Variants in CP observed in about 807,000 individuals in gnomAD.
CP encodes the protein ceruloplasmin.
In CP, 64 loss-of-function variants were observed where a neutral mutation model predicts 122.4. The observed-to-expected ratio is 0.52, with a 90% CI of 0.43 to 0.64. The LOEUF is 0.64. CP is among the 30% of genes least tolerant of loss of function. The pLI, the probability that CP is intolerant of heterozygous loss-of-function variation, is 0.00. For synonymous variants in CP, 440 were observed against 436.4 expected (o/e 1.01, Z -0.10); for missense variants, 1,167 against 1,284.4 (o/e 0.91, Z 1.40).
At chr3:149,185,216 G>T in intron 12 of CP, 23 bp downstream of exon 12, 1 of 1,609,290 alleles carries the variant, frequency 6.2e-7, no homozygotes, top group African/African-American at 1.3e-5. Flanking sequence ...GCTGAAATTG[G>T]GAATCAGAGT....
At chr3:149,178,733 T>C (rs1452702339) in intron 15 of CP, 102 bp from the exon 16 acceptor site, 16 of 816,906 alleles carry the variant, frequency 2.0e-5, no homozygotes, top group Non-Finnish European at 3.0e-5. Flanking sequence ...GAGAGACCAA[T>C]TGAAGTAACA....
At chr3:149,190,997 A>T (rs1382708090) in intron 9 of CP, among the ~76,000 whole-genome samples, 2 of 152,178 alleles carry the variant, frequency 1.3e-5, no homozygotes, top group Non-Finnish European at 2.9e-5. Context: ...GTTTAACATT[A>T]GAAAGTCTTT....
intron 4 of CP, among the ~76,000 whole-genome samples, 190 bp downstream of exon 4, chr3:149,209,021 C>G (rs1003273695): frequency 1.3e-5 from 2 of 152,264 alleles, no homozygotes; most frequent in African/African-American, 4.8e-5. Context: ...TTTGGTGTAT[C>G]TGGCTTTACC....
chr3:149,186,702 G>T lies in CP; in HGVS notation c.1895C>A (p.Pro632Gln). The change falls in exon 11 of 19, where the codon CCG (proline) becomes CAG (glutamine). Residue 632 changes from proline to glutamine, a missense_variant. Physicochemically the swap from Pro to Gln is moderately conservative, Grantham distance 76. Coordinates refer to ENST00000264613, the MANE Select transcript of CP (RefSeq NM_000096.4). ...ATCTCCTTTGCACATAGTGAGACCCGGCTGATTCCCATACATGAATCCATT... is the reference window on the plus strand; with the variant it reads ...ATCTCCTTTGCACATAGTGAGACCCTGCTGATTCCCATACATGAATCCATT... ...SMNGFMYGNQPGLTMCKGDSV... is the reference protein window; with the variant it reads ...SMNGFMYGNQQGLTMCKGDSV... 1 of 1,614,076 alleles carries T rather than the reference G, an allele frequency of 6.2e-7. No individual in the cohort carries two copies. Among genetic ancestry groups the T allele is most frequent in the Non-Finnish European group, 8.5e-7 (1 of 1,180,004 alleles).
intron 9 of CP, among the ~76,000 whole-genome samples, chr3:149,193,620 A>G (rs1726691121): frequency 6.6e-6 from 1 of 152,212 alleles, no homozygotes; most frequent in Middle Eastern, 3.2e-3. Context: ...TTTAAAAAGA[A>G]TAGTTATAAA....
In CP at chr3:149,221,663, G is replaced by C; in HGVS notation, c.130C>G (p.Leu44Val). ...DYASDHGEKK[L>V]ISVDTEHSNI... ...GTGACTTACGTGTCAACAGAAATAA[G>C]TTTCTTTTCCCCATGGTCAGAGGCA... The change falls in exon 1 of 19, where the codon CTT becomes GTT. Residue 44 changes from leucine (L) to valine (V), a missense_variant. Leu to Val is a conservative substitution (Grantham distance 32, BLOSUM62 1). Around this residue, in one of 2 missense-constraint regions of CP, gnomAD observed 642 missense variants for 627.3 expected, o/e 1.02. Coordinates refer to ENST00000264613, the MANE Select transcript of CP (RefSeq NM_000096.4). 6.2e-7 allele frequency: 1 copy of C among 1,611,910 alleles called. No individual in the cohort carries two copies. Among genetic ancestry groups the C allele is most frequent in the South Asian group, 1.1e-5 (1 of 90,114 alleles).
rs749085962 is a variant in CP at position 149,178,593 on chromosome 3, A to G, written c.2700T>C (p.Cys900=). The change falls in exon 16 of 19, where the codon TGT becomes TGC. Residue 900 remains cysteine (C), a synonymous_variant. Coordinates refer to ENST00000264613, the MANE Select transcript of CP (RefSeq NM_000096.4). ...TGAATACTTTCAAGTAAGGTCTTCGACAAACAATCAGGGGGCCAATTAATC... is the reference window on the plus strand; with the variant it reads ...TGAATACTTTCAAGTAAGGTCTTCGGCAAACAATCAGGGGGCCAATTAATC... The part of the protein sequence containing the change: ...YSGLIGPLIV[C]RRPYLKVFNP... The G allele has an allele frequency of 1.9e-6, 3 of 1,613,524 alleles. No individual in the cohort carries two copies. The highest frequency in any genetic ancestry group is 1.7e-5 in the Admixed American group (1 of 59,978).
At chr3:149,189,756 C>T (rs1162951509) in intron 9 of CP, among the ~76,000 whole-genome samples, 2 of 152,072 alleles carry the variant, frequency 1.3e-5, no homozygotes, top group African/African-American at 4.8e-5. Flanking sequence ...GTACAATCAC[C>T]TGTATACTGA....
chr3:149,172,336 A>T, downstream of CP: 3 of 696,800 alleles, frequency 4.3e-6, no homozygotes, highest in South Asian at 1.6e-5. Context: ...ACACACACAC[A>T]CACACACACA....
rs771342611 is a variant in CP at position 149,207,585 on chromosome 3, C to T, written c.814G>A (p.Gly272Arg). 1 of 1,613,908 alleles carries T rather than the reference C, an allele frequency of 6.2e-7. No individual in the cohort carries two copies. The highest frequency in any genetic ancestry group is 2.2e-5 in the East Asian group (1 of 44,886). Residue 272 changes from glycine (G) to arginine (R), a missense_variant, in exon 5 of 19, where the codon GGA (glycine) becomes AGA (arginine). Physicochemically the swap from Gly to Arg is moderately radical, Grantham distance 125. Transcript: ENST00000264613. ...CTGTCTTCAGCACACATGGAGAGTC[C>T]TGGGAGACTTCCAAAAGTGTATCCA... ...VNGYTFGSLPGLSMCAEDRVK... is the reference protein window; with the variant it reads ...VNGYTFGSLPRLSMCAEDRVK...
intron 11 of CP, 121 bp from the exon 12 acceptor site, chr3:149,185,567 C>T: frequency 1.2e-6 from 1 of 847,152 alleles, no homozygotes; most frequent in Non-Finnish European, 1.9e-6. Context: ...CTTTCCACAC[C>T]TTCTGCTCAC....
intron 17 of CP, chr3:149,176,780 A>T (rs2108211873): frequency 5.6e-6 from 1 of 178,912 alleles, no homozygotes; most frequent in East Asian, 1.6e-4. Context: ...AATCTGTCCT[A>T]GCTTGTCTGA....
At chr3:149,214,326 G>T (rs1481190200) in intron 1 of CP, among the ~76,000 whole-genome samples, 1 of 152,168 alleles carries the variant, frequency 6.6e-6, no homozygotes, top group African/African-American at 2.4e-5. Context: ...GAGTGAGCAG[G>T]TGTTGAAAAT....
downstream of CP, among the ~76,000 whole-genome samples, chr3:149,169,557 G>A (rs951776943): frequency 1.3e-5 from 2 of 152,138 alleles, no homozygotes; most frequent in African/African-American, 4.8e-5. Flanking sequence ...GGTTTCCCCT[G>A]TGCATTTTAG....
At chr3:149,209,180 A>C (rs1020699465) in intron 4 of CP, 31 bp downstream of exon 4, 1 of 1,613,224 alleles carries the variant, frequency 6.2e-7, no homozygotes, top group Admixed American at 1.7e-5. Context: ...GGGAAAAAAA[A>C]GTAAAGTTAA....
At chr3:149,205,495 T>A (rs1727647828) in intron 6 of CP, among the ~76,000 whole-genome samples, 1 of 151,916 alleles carries the variant, frequency 6.6e-6, no homozygotes, top group South Asian at 2.1e-4. Flanking sequence ...ATGACCCAAA[T>A]GTTTATCAAC....
chr3:149,193,481 G>A (rs925317396), intron 9 of CP, among the ~76,000 whole-genome samples: 1 of 151,992 alleles, frequency 6.6e-6, no homozygotes, highest in Non-Finnish European at 1.5e-5. Flanking sequence ...AGTGTATAAA[G>A]CAAATTGCAA....
rs1364433723 is a variant in CP, at chr3:149,173,571, A to G, written c.*143T>C. 9 of 586,218 alleles carry G rather than the reference A, an allele frequency of 1.5e-5. No individual in the cohort carries two copies. The highest frequency in any genetic ancestry group is 2.4e-5 in the Non-Finnish European group (8 of 331,208). 36.3% of individuals were successfully genotyped at this position (586,218 alleles called of 1,614,324 possible). On this transcript the variant is annotated 3_prime_UTR_variant, in exon 19 of 19. Transcript: ENST00000264613. Reference sequence around the variant, plus strand: ...TGCAAAAAATTAATAGTTTTCCCCCACAAATGTACAAAGTTGTATGCTTCC... The same window carrying G: ...TGCAAAAAATTAATAGTTTTCCCCCGCAAATGTACAAAGTTGTATGCTTCC...
intron 9 of CP, among the ~76,000 whole-genome samples, chr3:149,193,707 C>CTAATTACTAAAATGTATTAA (rs1451662153): frequency 6.6e-6 from 1 of 152,176 alleles, no homozygotes; most frequent in Non-Finnish European, 1.5e-5. Context: ...CATTCCTTGT[C>CTAATTACTAAAATGTATTAA]AGCTTAATAC....
Sources: gnomAD v4.1 joint callset for allele counts (sites outside exome capture counted in the v4.1 genomes callset) on GRCh38, gnomAD v4.1.1 for gene constraint, gnomAD v4.1.1 regional missense constraint, MANE v1.5 for transcripts, NCBI Gene and HGNC (gene_info 2026-07-23, HGNC 2026-07-21) for gene names.